Variants in KLHL8 observed in about 807,000 individuals in gnomAD.
KLHL8 encodes kelch like family member 8, also known as kelch-like protein 8.
Under a neutral mutation model 63.5 loss-of-function variants are expected in KLHL8, and 38 were observed. That is an observed-to-expected ratio of 0.60 (90% CI 0.46 to 0.78). KLHL8 has a LOEUF of 0.78. KLHL8 is among the 30% of genes least tolerant of loss of function. The probability of loss-of-function intolerance (pLI) is 0.00; values close to 1 mark genes in which losing one functional copy is unlikely to be tolerated. For synonymous variants in KLHL8, 224 were observed against 254.3 expected (o/e 0.88, Z 1.13); for missense variants, 566 against 752.4 (o/e 0.75, Z 2.90).
chr4:87,199,137 A>G (rs1212968360), intron 1 of KLHL8, among the ~76,000 whole-genome samples: 1 of 152,222 alleles, frequency 6.6e-6, no homozygotes, highest in Non-Finnish European at 1.5e-5. Flanking sequence ...AGGTTAAAGG[A>G]ATTGGATAGA....
At chr4:87,171,387 TTTA>T (rs1351733105) in intron 6 of KLHL8, among the ~76,000 whole-genome samples, 1 of 152,134 alleles carries the variant, frequency 6.6e-6, no homozygotes, top group Non-Finnish European at 1.5e-5. Flanking sequence ...AGTATTAGCT[TTTA>T]TTATTATTGG....
intron 2 of KLHL8, among the ~76,000 whole-genome samples, chr4:87,186,798 T>C (rs1440493155): frequency 1.3e-5 from 2 of 152,176 alleles, no homozygotes; most frequent in East Asian, 3.8e-4. Context: ...GCTTTTCATA[T>C]ACTAACTCAG....
intron 6 of KLHL8, among the ~76,000 whole-genome samples, chr4:87,172,215 C>T (rs1350327312): frequency 6.6e-6 from 1 of 152,094 alleles, no homozygotes; most frequent in Non-Finnish European, 1.5e-5. Flanking sequence ...TGGGGGGGAA[C>T]ATGTGGGAAG....
chr4:87,221,600 T>G (rs187457392), upstream of KLHL8, among the ~76,000 whole-genome samples: 425 of 152,070 alleles, frequency 2.8e-3, 4 homozygotes, highest in African/African-American at 9.8e-3. Flanking sequence ...GGAGTCTATT[T>G]CAGAATAAAT....
rs1008056221 is a variant in KLHL8 at position 87,161,613 on chromosome 4, C to G, written c.*1906G>C. The G allele has an allele frequency of 1.3e-5, 2 of 152,116 alleles. No homozygotes were observed. The highest frequency in any genetic ancestry group is 2.9e-5 in the Non-Finnish European group (2 of 68,002). 9.4% of individuals were successfully genotyped at this position (152,116 alleles called of 1,614,324 possible). ...ATCCTCTCCCCGAAAATAAATATAA[C>G]AAACATATTAGTAACCATAGCTAAA... is the stretch of plus-strand genomic sequence containing the variant. On this transcript the variant is annotated 3_prime_UTR_variant, in exon 10 of 10. Transcript: ENST00000273963.
chr4:87,170,614 G>T lies in KLHL8; in HGVS notation c.1210C>A (p.Arg404=), dbSNP rs1025568359. Residue 404 remains arginine (R), a splice_region_variant and synonymous_variant, in exon 7 of 10, where the codon CGA becomes AGA. Transcript: ENST00000273963. ...MMKASMNTKR[R]GIALASLGGP... The stretch of plus-strand genomic sequence containing the variant: ...CCTAAGGAAGCCAAGGCAATTCCTC[G>T]CCTGCAAAGACAATAAAACATACTT... 6.9e-6 allele frequency: 11 copies of T among 1,602,480 alleles called. No individual in the cohort carries two copies. Among genetic ancestry groups the T allele is most frequent in the South Asian group, 2.3e-5 (2 of 88,292 alleles).
chr4:87,234,972 A>C (rs1560726524), intron 1 of KLHL8, among the ~76,000 whole-genome samples: 1 of 152,240 alleles, frequency 6.6e-6, no homozygotes, highest in East Asian at 1.9e-4. Flanking sequence ...ACAGATACAA[A>C]GAAAGAAAAT....
chr4:87,238,578 T>C lies in KLHL8; in HGVS notation n.57+1680A>G, dbSNP rs201181470. 4.6e-5 allele frequency among the ~76,000 whole-genome samples: 7 copies of C among 152,338 alleles called. No homozygotes were observed. The East Asian group carries it at 1.2e-3, about 25-fold the overall frequency. On this transcript the variant is annotated intron_variant and non_coding_transcript_variant, in intron 1 of 1. Transcript: ENST00000506274. Reference sequence around the variant, plus strand: ...TGTAGTTATTGGTCACATGTGACTATTGAGCACTTGAAATGGGCCTAGTTT... The same window carrying C: ...TGTAGTTATTGGTCACATGTGACTACTGAGCACTTGAAATGGGCCTAGTTT...
chr4:87,202,155 CA>C (rs1731944387), intron 1 of KLHL8, among the ~76,000 whole-genome samples: 1 of 151,406 alleles, frequency 6.6e-6, no homozygotes, highest in Admixed American at 6.6e-5. Context: ...CCTTTACTTT[CA>C]GAAACCAGAA....
At chr4:87,215,737 G>A (rs754045459) in intron 1 of KLHL8, among the ~76,000 whole-genome samples, 3 of 152,144 alleles carry the variant, frequency 2.0e-5, no homozygotes, top group Middle Eastern at 3.4e-3. Flanking sequence ...AAGTATGTCC[G>A]ATTCAGAAAT....
At chr4:87,170,377 T>A (rs1257127600) in intron 7 of KLHL8, 70 bp downstream of exon 7, 1 of 1,491,588 alleles carries the variant, frequency 6.7e-7, no homozygotes, top group Non-Finnish European at 9.1e-7. Context: ...GATGATATAT[T>A]GGACCTTTCC....
At position 87,178,904 on chromosome 4, in the gene KLHL8, C is replaced by T. The variant is rs182687838; in HGVS notation, c.953-284G>A. Among the ~76,000 whole-genome samples, 138 of 152,320 alleles carry T rather than the reference C, an allele frequency of 9.1e-4. 1 individual carries two copies. Among genetic ancestry groups the T allele is most frequent in the Admixed American group, 3.5e-3 (53 of 15,290 alleles). ...AGGTCGTAACAAAACCAATCAGCCT[C>T]TAAGTTAATTTCTTATTGAACACAA... is the stretch of plus-strand genomic sequence containing the variant. On this transcript the variant is annotated intron_variant, in intron 4 of 9. Coordinates refer to ENST00000273963, the MANE Select transcript of KLHL8 (RefSeq NM_020803.5).
Position 87,195,314 on chromosome 4 carries a change from G to C in KLHL8, c.216+10C>G, listed in dbSNP as rs1435997575. 1.2e-6 allele frequency: 2 copies of C among 1,606,460 alleles called. No individual in the cohort carries two copies. Among genetic ancestry groups the C allele is most frequent in the Admixed American group, 3.4e-5 (2 of 59,606 alleles). The stretch of plus-strand genomic sequence containing the variant: ...GAGGCCTGAGAAAAGTACAAAAAAG[G>C]CAATCTCACCTTGAGTGTGACATCA... On this transcript the variant is annotated intron_variant, in intron 2 of 9. Coordinates refer to ENST00000273963, the MANE Select transcript of KLHL8 (RefSeq NM_020803.5).
At chr4:87,191,611 A>G (rs2110006926) in intron 2 of KLHL8, among the ~76,000 whole-genome samples, 1 of 151,392 alleles carries the variant, frequency 6.6e-6, no homozygotes. Context: ...TTCAACTTTT[A>G]CTTTAGAATT....
At chr4:87,181,997 G>C (rs1731069768) in intron 4 of KLHL8, among the ~76,000 whole-genome samples, 1 of 152,062 alleles carries the variant, frequency 6.6e-6, no homozygotes, top group South Asian at 2.1e-4. Flanking sequence ...GGGAGGCCAA[G>C]GCAGGCAGAT....
At chr4:87,171,910 C>T (rs1730648124) in intron 6 of KLHL8, among the ~76,000 whole-genome samples, 2 of 152,040 alleles carry the variant, frequency 1.3e-5, no homozygotes. Flanking sequence ...AGACATATAC[C>T]CAATTTCTAC....
rs577990449 is a variant in KLHL8, at chr4:87,231,602, CT to C, written n.57+8655del. ...TAACTTCTATGTCCCACAAATACTT[CT>C]TTTTTTTTTTTGAGATGGAGTCTCG... On this transcript the variant is annotated intron_variant and non_coding_transcript_variant, in intron 1 of 1. Transcript: ENST00000506274. Among the ~76,000 whole-genome samples the C allele has an allele frequency of 7.3e-3, 1,065 of 146,486 alleles. 9 individuals are homozygous for C. The highest frequency in any genetic ancestry group is 0.02 in the African/African-American group (824 of 40,334).
At chr4:87,203,175 C>T (rs1731983230) in intron 1 of KLHL8, among the ~76,000 whole-genome samples, 1 of 152,144 alleles carries the variant, frequency 6.6e-6, no homozygotes. Context: ...TATCAGCACA[C>T]ATAATTGTCT....
intron 1 of KLHL8, among the ~76,000 whole-genome samples, chr4:87,201,750 A>G (rs975330950): frequency 2.0e-5 from 3 of 152,232 alleles, no homozygotes; most frequent in African/African-American, 7.2e-5. Context: ...AATGCTTACA[A>G]ATTAAATGCA....
Sources: allele counts gnomAD v4.1 joint callset (sites outside exome capture counted in the v4.1 genomes callset), GRCh38; gene constraint gnomAD v4.1.1; transcripts MANE v1.5; gene names NCBI Gene and HGNC (gene_info 2026-07-23, HGNC 2026-07-21).